The following C10orf105 variants were observed in gnomAD, a reference collection of about 807,000 sequenced individuals.
The protein encoded by C10orf105 is chromosome 10 open reading frame 105.
A neutral mutation model predicts 0.6 loss-of-function variants in C10orf105; 2 were observed. The ratio of observed to expected loss-of-function variants is 3.18; its 90% confidence interval spans 1.30 to 10.01. The LOEUF (loss-of-function observed/expected upper bound fraction) is 10.01, where lower values mean the gene tolerates loss of function less well. Among genes scored for constraint, C10orf105 ranks in the 30% most tolerant of loss-of-function variants. The pLI, the probability that C10orf105 is intolerant of heterozygous loss-of-function variation, is 0.04. For missense variants in C10orf105, 209 were observed against 191.4 expected, an observed-to-expected ratio of 1.09 and a Z score of -0.54; for synonymous variants, 95 against 82.4, an observed-to-expected ratio of 1.15 and a Z score of -0.83.
chr10:71,725,259 G>A (rs1265161544), intron 1 of C10orf105: 48 of 1,519,404 alleles, frequency 3.2e-5, no homozygotes, highest in Non-Finnish European at 4.3e-5. Context: ...AAGACCCGCA[G>A]CCTCCTCACA....
At chr10:71,734,391 A>G (rs1839494863) in intron 1 of C10orf105, 2 of 1,555,198 alleles carry the variant, frequency 1.3e-6, no homozygotes, top group East Asian at 2.4e-5. Context: ...ATCGCTGGCC[A>G]TGACACTTCC....
chr10:71,734,298 C>T lies in C10orf105; in HGVS notation c.-6+3430G>A, dbSNP rs1554863775. 6 of 1,612,428 alleles carry T rather than the reference C, an allele frequency of 3.7e-6. No homozygotes were observed. In the South Asian group the frequency reaches 6.6e-5, roughly 18 times the overall value. ...GAGAAGGGCGACTTCTATACCTTGA[C>T]AGTGGTGGCAGATGACGGCGGCCCC... On this transcript the variant is annotated intron_variant, in intron 1 of 1. Transcript: ENST00000398786.
At chr10:71,727,215 T>C (rs1329707630) in intron 1 of C10orf105, among the ~76,000 whole-genome samples, 1 of 152,234 alleles carries the variant, frequency 6.6e-6, no homozygotes, top group Non-Finnish European at 1.5e-5. Flanking sequence ...TTAGCCGACT[T>C]GTTCAGGGTC....
At chr10:71,721,461 C>A (rs1486836333), upstream of C10orf105, among the ~76,000 whole-genome samples, 1 of 152,168 alleles carries the variant, frequency 6.6e-6, no homozygotes, top group Non-Finnish European at 1.5e-5. Context: ...CTCAACCCTG[C>A]AAGGCTGGTC....
At chr10:71,730,958 C>T (rs543021659) in intron 1 of C10orf105, among the ~76,000 whole-genome samples, 1 of 152,360 alleles carries the variant, frequency 6.6e-6, no homozygotes, top group South Asian at 2.1e-4. Context: ...CTGGCTGCGG[C>T]CTGGCCTGCT....
chr10:71,716,268 C>G lies in C10orf105; in HGVS notation c.70G>C (p.Val24Leu). ...GCCTCTGCAAGGGTCCCGGGAGTGACGGGAGCTGAGAGAAAGGCGAGGGGG... is the reference window on the plus strand; with the variant it reads ...GCCTCTGCAAGGGTCCCGGGAGTGAGGGGAGCTGAGAGAAAGGCGAGGGGG... The part of the protein sequence containing the change: ...ISPLAFLSAP[V>L]TPGTLAEATD... The change falls in exon 2 of 2, where the codon GTC becomes CTC. Residue 24 changes from valine (V) to leucine (L), a missense_variant. Val to Leu is a conservative substitution (Grantham distance 32, BLOSUM62 1). Transcript: ENST00000441508. The G allele has an allele frequency of 6.5e-7, 1 of 1,538,674 alleles. No homozygotes were observed. The highest frequency in any genetic ancestry group is 8.8e-7 in the Non-Finnish European group (1 of 1,139,112).
At chr10:71,720,353 C>A (rs979661346), upstream of C10orf105, among the ~76,000 whole-genome samples, 3 of 151,970 alleles carry the variant, frequency 2.0e-5, no homozygotes, top group South Asian at 2.1e-4. Context: ...GACTGACGGA[C>A]CTCCAAGGCC....
At chr10:71,729,394 G>A (rs1866961132) in intron 1 of C10orf105, among the ~76,000 whole-genome samples, 1 of 152,220 alleles carries the variant, frequency 6.6e-6, no homozygotes, top group Non-Finnish European at 1.5e-5. Context: ...TGTCATGGAG[G>A]GAGCTAGGCC....
chr10:71,722,143 A>G (rs554630430), upstream of C10orf105, among the ~76,000 whole-genome samples: 1 of 152,174 alleles, frequency 6.6e-6, no homozygotes, highest in Non-Finnish European at 1.5e-5. Context: ...AATCCATTCT[A>G]TATTATCTTA....
At position 71,731,526 on chromosome 10, in the gene C10orf105, G is replaced by A. The variant is rs149789088; in HGVS notation, c.-6+6202C>T. ...GTTTCAAGGCACAGGAATTTGGGGC[G>A]TAGGGAGTGGGGAGGATGGGGGAAG... On this transcript the variant is annotated intron_variant, in intron 1 of 1. Coordinates refer to the C10orf105 transcript ENST00000398786. 3.4e-3 allele frequency among the ~76,000 whole-genome samples: 523 copies of A among 152,278 alleles called. 3 individuals carry two copies. The highest frequency in any genetic ancestry group is 6.8e-3 in the Middle Eastern group (2 of 294).
chr10:71,720,420 A>AACACACACACACACACACAC (rs57346519), upstream of C10orf105, among the ~76,000 whole-genome samples: 6 of 145,750 alleles, frequency 4.1e-5, no homozygotes, highest in African/African-American at 1.5e-4. Flanking sequence ...CTCTTTCCAA[A>AACACACACACACACACACAC]ACACACACAC....
chr10:71,718,661 C>A (rs764949889), intron 1 of C10orf105, among the ~76,000 whole-genome samples: 2 of 152,246 alleles, frequency 1.3e-5, no homozygotes, highest in Non-Finnish European at 2.9e-5. Context: ...ATGGGAGATG[C>A]CTCAATCCTA....
chr10:71,724,219 T>C (rs7893748), upstream of C10orf105: 83,186 of 1,103,368 alleles, frequency 0.075, 9,294 homozygotes, highest in African/African-American at 0.39. Flanking sequence ...CAGGGCCATA[T>C]ACATGGGGCG....
chr10:71,712,417 T>TC lies in C10orf105; in HGVS notation c.*3518dup. 2.2e-6 allele frequency: 1 copy of TC among 464,536 alleles called. No homozygotes were observed. The highest frequency in any genetic ancestry group is 3.5e-5 in the Admixed American group (1 of 28,306). 28.8% of individuals were successfully genotyped at this position (464,536 alleles called of 1,614,324 possible). ...GTAAAATGGGGATGACAGTAAAGTG[T>TC]CTGCTTCATGGGGTTGCTGTGAGGA... On this transcript the variant is annotated 3_prime_UTR_variant, in exon 2 of 2. Coordinates refer to ENST00000441508, the MANE Select transcript of C10orf105 (RefSeq NM_001164375.3).
upstream of C10orf105, among the ~76,000 whole-genome samples, chr10:71,721,912 ACT>A (rs1204703228): frequency 6.6e-6 from 1 of 152,122 alleles, no homozygotes; most frequent in Admixed American, 6.5e-5. Flanking sequence ...TTCAGCTAAC[ACT>A]GTTTCCCAGC....
chr10:71,727,662 T>TAC (rs201847134), intron 1 of C10orf105, among the ~76,000 whole-genome samples: 28 of 151,190 alleles, frequency 1.9e-4, no homozygotes, highest in East Asian at 7.8e-4. Flanking sequence ...TCACGACACA[T>TAC]ACACACACAC....
chr10:71,725,567 G>C, intron 1 of C10orf105: 1 of 1,586,848 alleles, frequency 6.3e-7, no homozygotes, highest in East Asian at 2.3e-5. Context: ...ACGGGGCCAA[G>C]CCCACAGCTA....
rs1348777026 is a variant in C10orf105, at chr10:71,712,002, G to A, written c.*3934C>T. Reference sequence around the variant, plus strand: ...TATTCTCTCCTGGTTCTCAAGGCCAGAAGTTAGAAATTAAGGTGTCGGCAG... The same window carrying A: ...TATTCTCTCCTGGTTCTCAAGGCCAAAAGTTAGAAATTAAGGTGTCGGCAG... On this transcript the variant is annotated 3_prime_UTR_variant, in exon 2 of 2. Coordinates refer to ENST00000441508, the MANE Select transcript of C10orf105 (RefSeq NM_001164375.3). 3 of 152,256 alleles carry A rather than the reference G, an allele frequency of 2.0e-5. No homozygotes were observed. Among genetic ancestry groups the A allele is most frequent in the African/African-American group, 7.2e-5 (3 of 41,442 alleles). 9.4% of individuals were successfully genotyped at this position (152,256 alleles called of 1,614,324 possible). A position where few individuals can be genotyped will look rare whatever the true frequency, so the allele number is the denominator to read the frequency against.
chr10:71,719,011 G>C (rs1300604906), intron 1 of C10orf105, among the ~76,000 whole-genome samples: 1 of 152,098 alleles, frequency 6.6e-6, no homozygotes, highest in Non-Finnish European at 1.5e-5. Context: ...CCAAAAGTTT[G>C]AGGCTACAGC....
Sources: allele counts gnomAD v4.1 joint callset (sites outside exome capture counted in the v4.1 genomes callset), GRCh38; gene constraint gnomAD v4.1.1; transcripts MANE v1.5; gene names NCBI Gene and HGNC (gene_info 2026-07-23, HGNC 2026-07-21).